Variants in EYS observed in about 807,000 individuals in gnomAD.
EYS encodes EGF-like photoreceptor maintenance factor, also known as protein eyes shut homolog.
In EYS, 250 loss-of-function variants were observed where a neutral mutation model predicts 282.1. The observed-to-expected ratio is 0.89, with a 90% CI of 0.80 to 0.98. The LOEUF is 0.98. EYS is among the 50% of genes least tolerant of loss of function. The pLI is 0.00. For missense variants in EYS, 4,016 were observed against 3,709.0 expected (o/e 1.08, Z -2.15); for synonymous variants, 1,355 against 1,282.9 (o/e 1.06, Z -1.20).
intron 29 of EYS, among the ~76,000 whole-genome samples, chr6:64,350,251 AAT>A (rs1771575671): frequency 6.6e-6 from 1 of 151,674 alleles, no homozygotes; most frequent in East Asian, 2.0e-4. Flanking sequence ...TAGAAAAATA[AAT>A]ATGTTTTAGA....
chr6:65,561,073 A>C (rs973236543), intron 2 of EYS, among the ~76,000 whole-genome samples: 2 of 152,128 alleles, frequency 1.3e-5, no homozygotes, highest in Non-Finnish European at 2.9e-5. Context: ...TATCTTGCGG[A>C]CAATACTAAT....
intron 13 of EYS, among the ~76,000 whole-genome samples, chr6:65,036,652 G>A (rs1280019620): frequency 2.0e-5 from 3 of 150,670 alleles, no homozygotes; most frequent in African/African-American, 7.3e-5. Context: ...TTGAAAAATG[G>A]GCAAAGGACA....
intron 36 of EYS, among the ~76,000 whole-genome samples, chr6:63,827,079 AG>A (rs1771489815): frequency 6.6e-6 from 1 of 152,334 alleles, no homozygotes; most frequent in East Asian, 1.9e-4. Context: ...GGATGGAAAA[AG>A]GCATTTCATG....
chr6:64,481,916 A>G (rs930319272), intron 26 of EYS, among the ~76,000 whole-genome samples: 5 of 151,714 alleles, frequency 3.3e-5, no homozygotes, highest in African/African-American at 7.2e-5. Flanking sequence ...ATTAGTCAGG[A>G]CATTTCAGCT....
chr6:64,946,018 T>A lies in EYS; in HGVS notation c.2260-104A>T, dbSNP rs527635906. ...TTTGATATCTCTGTCAATTTATAAT[T>A]TTTTTAGTTTTATAGAATGCCAATA... On this transcript the variant is annotated intron_variant, in intron 14 of 42. Transcript: ENST00000503581. 2.1e-5 allele frequency: 20 copies of A among 952,338 alleles called. No homozygotes were observed. The East Asian group carries it at 5.6e-4, about 27-fold the overall frequency. The allele number at this position is 952,338 out of a possible 1,614,324, so 59.0% of individuals were successfully genotyped here.
intron 30 of EYS, among the ~76,000 whole-genome samples, chr6:64,306,227 A>C (rs1233150036): frequency 6.6e-6 from 1 of 152,130 alleles, no homozygotes; most frequent in East Asian, 1.9e-4. Context: ...AGATGGCTAG[A>C]GCTTCTCTGG....
At chr6:64,208,695 A>G (rs1220825326) in intron 31 of EYS, among the ~76,000 whole-genome samples, 1 of 152,132 alleles carries the variant, frequency 6.6e-6, no homozygotes, top group Non-Finnish European at 1.5e-5. Context: ...ATTTATGCTT[A>G]GTTTCTCTTA....
At chr6:64,989,627 T>C (rs1372204535) in intron 14 of EYS, among the ~76,000 whole-genome samples, 1 of 144,124 alleles carries the variant, frequency 6.9e-6, no homozygotes, top group Non-Finnish European at 1.5e-5. Flanking sequence ...ATAAATTAAA[T>C]ATAAATTAAA....
chr6:64,170,166 ACT>A (rs1764437017), intron 31 of EYS, among the ~76,000 whole-genome samples: 1 of 152,052 alleles, frequency 6.6e-6, no homozygotes, highest in Non-Finnish European at 1.5e-5. Flanking sequence ...GCATTGTCCC[ACT>A]CTCAAAAAAG....
At chr6:65,318,103 A>C (rs1371960144) in intron 11 of EYS, among the ~76,000 whole-genome samples, 2 of 150,672 alleles carry the variant, frequency 1.3e-5, no homozygotes, top group Non-Finnish European at 2.9e-5. Flanking sequence ...TCCTGACCTC[A>C]TGATCCGCCC....
intron 31 of EYS, among the ~76,000 whole-genome samples, chr6:64,190,373 C>G (rs1765065786): frequency 6.6e-6 from 1 of 152,152 alleles, no homozygotes; most frequent in Admixed American, 6.5e-5. Flanking sequence ...GTCACCACCA[C>G]TGTTTCCATG....
At chr6:64,256,493 C>G (rs1767405564) in intron 30 of EYS, among the ~76,000 whole-genome samples, 1 of 152,028 alleles carries the variant, frequency 6.6e-6, no homozygotes, top group African/African-American at 2.4e-5. Flanking sequence ...ATTTAAGCAG[C>G]TCCTGTGGAT....
intron 22 of EYS, among the ~76,000 whole-genome samples, chr6:64,676,361 G>A (rs1287675415): frequency 1.3e-5 from 2 of 148,476 alleles, no homozygotes; most frequent in Non-Finnish European, 3.0e-5. Flanking sequence ...TAGAGAGAGA[G>A]AGGGAGAGAA....
At chr6:63,845,006 G>T (rs545729070) in intron 36 of EYS, among the ~76,000 whole-genome samples, 1 of 152,244 alleles carries the variant, frequency 6.6e-6, no homozygotes, top group African/African-American at 2.4e-5. Context: ...TTACATTTAA[G>T]TCTTTAATGT....
At chr6:64,715,136 A>C (rs2149937961) in intron 22 of EYS, among the ~76,000 whole-genome samples, 1 of 152,132 alleles carries the variant, frequency 6.6e-6, no homozygotes, top group Admixed American at 6.5e-5. Context: ...TATATTTATC[A>C]TGTACTTTAT....
intron 22 of EYS, among the ~76,000 whole-genome samples, chr6:64,684,585 GAA>G (rs201360328): frequency 1.6e-5 from 2 of 126,204 alleles, no homozygotes; most frequent in Non-Finnish European, 3.7e-5. Flanking sequence ...ATAATTATAG[GAA>G]AAAAAATATA....
At chr6:63,998,655 A>T (rs922236926) in intron 34 of EYS, among the ~76,000 whole-genome samples, 1 of 152,184 alleles carries the variant, frequency 6.6e-6, no homozygotes, top group African/African-American at 2.4e-5. Context: ...TTTCTAAGAG[A>T]AATTTTCTGG....
chr6:64,513,213 AAG>A (rs1378790015), intron 26 of EYS, among the ~76,000 whole-genome samples: 5 of 151,918 alleles, frequency 3.3e-5, no homozygotes, highest in South Asian at 2.1e-4. Flanking sequence ...AAATTCATAA[AAG>A]AGTACATAAT....
chr6:64,702,314 T>C (rs1770820968), intron 22 of EYS, among the ~76,000 whole-genome samples: 1 of 152,168 alleles, frequency 6.6e-6, no homozygotes, highest in East Asian at 1.9e-4. Context: ...GTTTTCTAAG[T>C]TAAAAGACAA....
Sources: allele counts gnomAD v4.1 joint callset (sites outside exome capture counted in the v4.1 genomes callset), GRCh38; gene constraint gnomAD v4.1.1; transcripts MANE v1.5; gene names NCBI Gene and HGNC (gene_info 2026-07-23, HGNC 2026-07-21).